The following CSMD1 variants were observed in gnomAD, a reference collection of about 807,000 sequenced individuals.
The protein encoded by CSMD1 is CUB and sushi domain-containing protein 1.
CSMD1 carries 213 observed loss-of-function variants against 417.5 expected under a neutral mutation model. The ratio of observed to expected loss-of-function variants is 0.51; its 90% CI spans 0.46 to 0.57. The LOEUF (loss-of-function observed/expected upper bound fraction) is 0.57, where lower values mean the gene tolerates loss of function less well. CSMD1 is among the 20% of genes least tolerant of loss of function. CSMD1 has a pLI of 0.00. For synonymous variants in CSMD1, 2,862 were observed against 1,736.8 expected (o/e 1.65, Z -16.11); for missense variants, 6,923 against 4,529.7 (o/e 1.53, Z -15.17).
At chr8:3,018,416 C>A in intron 52 of CSMD1, 61 bp downstream of exon 52, 1 of 1,502,262 alleles carries the variant, frequency 6.7e-7, no homozygotes. Context: ...TGTTACACAG[C>A]TGTAATCTAT....
intron 3 of CSMD1, among the ~76,000 whole-genome samples, chr8:4,175,409 T>A (rs944548414): frequency 6.6e-6 from 1 of 152,190 alleles, no homozygotes; most frequent in African/African-American, 2.4e-5. Flanking sequence ...GCTATACTTT[T>A]ATTGTTCAAC....
intron 5 of CSMD1, among the ~76,000 whole-genome samples, chr8:3,877,202 A>C (rs1047558950): frequency 2.0e-5 from 3 of 152,112 alleles, no homozygotes; most frequent in African/African-American, 7.2e-5. Flanking sequence ...GGAAGTGGAC[A>C]CTGGGCTCAG....
chr8:4,088,109 G>C (rs1380517601), intron 3 of CSMD1, among the ~76,000 whole-genome samples: 1 of 152,230 alleles, frequency 6.6e-6, no homozygotes, highest in Non-Finnish European at 1.5e-5. Flanking sequence ...AAAGAGGAAG[G>C]ATAGCTGCAG....
chr8:3,334,819 G>C (rs1443931703), intron 23 of CSMD1, among the ~76,000 whole-genome samples: 2 of 152,020 alleles, frequency 1.3e-5, no homozygotes, highest in African/African-American at 4.8e-5. Context: ...TTTAAACTGA[G>C]TATGACCAGG....
intron 7 of CSMD1, among the ~76,000 whole-genome samples, chr8:3,651,229 G>A (rs1797838205): frequency 1.3e-5 from 2 of 152,066 alleles, no homozygotes; most frequent in African/African-American, 2.4e-5. Flanking sequence ...AAACACCTAA[G>A]ACAGATCGTA....
chr8:4,817,465 G>T (rs914369042), intron 1 of CSMD1, among the ~76,000 whole-genome samples: 10 of 152,204 alleles, frequency 6.6e-5, no homozygotes, highest in African/African-American at 2.4e-4. Context: ...CCTTCTCTAG[G>T]GAGGAGGCCC....
At chr8:3,635,377 G>A (rs961895435) in intron 7 of CSMD1, among the ~76,000 whole-genome samples, 2 of 152,034 alleles carry the variant, frequency 1.3e-5, no homozygotes, top group Non-Finnish European at 2.9e-5. Flanking sequence ...GGGAGGCTGA[G>A]GCAGGAGAAT....
intron 2 of CSMD1, among the ~76,000 whole-genome samples, chr8:4,421,295 C>T (rs937467701): frequency 1.3e-5 from 2 of 152,094 alleles, no homozygotes; most frequent in Non-Finnish European, 2.9e-5. Flanking sequence ...GACTGAAGAC[C>T]AGCAAGAATA....
At chr8:3,143,164 T>C (rs1818609070) in intron 40 of CSMD1, among the ~76,000 whole-genome samples, 1 of 152,212 alleles carries the variant, frequency 6.6e-6, no homozygotes, top group African/African-American at 2.4e-5. Context: ...TTTGTTTTTA[T>C]TTTGTGTTTG....
intron 26 of CSMD1, among the ~76,000 whole-genome samples, chr8:3,249,704 T>A (rs572986222): frequency 2.0e-5 from 3 of 152,182 alleles, no homozygotes; most frequent in African/African-American, 7.2e-5. Flanking sequence ...GAAAAAGAAA[T>A]AATAGACATT....
At chr8:4,588,248 A>T (rs1316168228) in intron 2 of CSMD1, among the ~76,000 whole-genome samples, 1 of 152,094 alleles carries the variant, frequency 6.6e-6, no homozygotes, top group African/African-American at 2.4e-5. Flanking sequence ...AATGGCCGTC[A>T]GAAGACAGTA....
intron 3 of CSMD1, among the ~76,000 whole-genome samples, chr8:4,308,607 T>G (rs1253908937): frequency 6.6e-6 from 1 of 152,186 alleles, no homozygotes. Context: ...ATGGAGAGAA[T>G]TTGTTAAGCC....
At chr8:3,509,779 C>A (rs911106367) in intron 10 of CSMD1, among the ~76,000 whole-genome samples, 4 of 152,132 alleles carry the variant, frequency 2.6e-5, no homozygotes, top group African/African-American at 7.2e-5. Context: ...TGCTTGATGC[C>A]TTCTGTCCTG....
chr8:4,532,859 CCATT>C (rs1796903402), intron 2 of CSMD1, among the ~76,000 whole-genome samples: 1 of 150,298 alleles, frequency 6.7e-6, no homozygotes, highest in Non-Finnish European at 1.5e-5. Flanking sequence ...TGTTGCACCC[CCATT>C]CAGTCACTCC....
chr8:4,653,284 A>C (rs906321873), intron 1 of CSMD1, among the ~76,000 whole-genome samples: 1 of 152,156 alleles, frequency 6.6e-6, no homozygotes, highest in African/African-American at 2.4e-5. Flanking sequence ...CTCCCAAGTA[A>C]CTGAATTAAG....
chr8:4,610,289 G>A (rs1180945070), intron 2 of CSMD1, among the ~76,000 whole-genome samples: 5 of 152,196 alleles, frequency 3.3e-5, no homozygotes, highest in Admixed American at 2.0e-4. Flanking sequence ...TTGGATCCAT[G>A]AAATTGAGCA....
At chr8:4,001,391 G>A (rs145115648) in intron 4 of CSMD1, among the ~76,000 whole-genome samples, 2 of 152,086 alleles carry the variant, frequency 1.3e-5, no homozygotes, top group Admixed American at 6.6e-5. Context: ...TGGAAGGTTC[G>A]ATGACCTGCA....
intron 1 of CSMD1, among the ~76,000 whole-genome samples, chr8:4,653,653 T>C (rs1201486871): frequency 2.0e-5 from 3 of 152,222 alleles, no homozygotes; most frequent in Admixed American, 6.5e-5. Context: ...CCTGATCTCA[T>C]TGTGATCCCC....
chr8:3,897,155 T>A (rs1229851476), intron 5 of CSMD1, among the ~76,000 whole-genome samples: 4 of 152,180 alleles, frequency 2.6e-5, no homozygotes, highest in Non-Finnish European at 5.9e-5. Context: ...AACAGGAGTC[T>A]GAATTTCAAC....
Sources: allele counts gnomAD v4.1 joint callset (sites outside exome capture counted in the v4.1 genomes callset), GRCh38; gene constraint gnomAD v4.1.1; transcripts MANE v1.5; gene names NCBI Gene and HGNC (gene_info 2026-07-23, HGNC 2026-07-21).